CCDC102B: variants seen among roughly 807,000 people sequenced by gnomAD.
CCDC102B encodes the protein coiled-coil domain containing 102B.
Under a neutral mutation model 57.4 loss-of-function variants are expected in CCDC102B, and 75 were observed. That is an observed-to-expected ratio of 1.31 (90% CI 1.08 to 1.58). The LOEUF is 1.58. Ranked by LOEUF, CCDC102B falls within the 40% of genes most tolerant of loss-of-function variation. The pLI, the probability that CCDC102B is intolerant of heterozygous loss-of-function variation, is 0.00. For missense variants in CCDC102B, 636 were observed against 582.6 expected, an observed-to-expected ratio of 1.09 and a Z score of -0.94; for synonymous variants, 206 against 201.9, an observed-to-expected ratio of 1.02 and a Z score of -0.17.
chr18:68,765,593 T>C (rs1259469640), intron 2 of CCDC102B, among the ~76,000 whole-genome samples: 2 of 152,134 alleles, frequency 1.3e-5, no homozygotes, highest in Non-Finnish European at 2.9e-5. Context: ...TCTATCTCCT[T>C]ATAGCCCCTT....
intron 6 of CCDC102B, among the ~76,000 whole-genome samples, chr18:68,987,652 A>G (rs2050758070): frequency 6.6e-6 from 1 of 152,228 alleles, no homozygotes; most frequent in South Asian, 2.1e-4. Context: ...CAAGCTATGC[A>G]TCTGACAAAG....
intron 6 of CCDC102B, among the ~76,000 whole-genome samples, chr18:68,977,513 A>G (rs1396288661): frequency 1.3e-5 from 2 of 151,854 alleles, no homozygotes; most frequent in African/African-American, 4.8e-5. Flanking sequence ...AAGTTTTAAA[A>G]TAATTTAAAA....
chr18:69,039,406 T>C (rs2052374883), intron 7 of CCDC102B, among the ~76,000 whole-genome samples: 2 of 151,964 alleles, frequency 1.3e-5, no homozygotes, highest in Non-Finnish European at 2.9e-5. Context: ...ATTTGGGTCA[T>C]GTGTGCATTG....
chr18:68,767,234 T>C (rs2034498411), intron 2 of CCDC102B, among the ~76,000 whole-genome samples: 1 of 152,224 alleles, frequency 6.6e-6, no homozygotes, highest in African/African-American at 2.4e-5. Flanking sequence ...CTCCCAGACC[T>C]CATATGTGAA....
chr18:68,897,282 A>C lies in CCDC102B; in HGVS notation c.1117A>C (p.Lys373Gln), dbSNP rs140249881. 7.3e-5 allele frequency: 117 copies of C among 1,613,174 alleles called. No individual in the cohort carries two copies. In the East Asian group the frequency reaches 2.5e-3, roughly 35 times the overall value. Residue 373 changes from lysine to glutamine, a missense_variant, in exon 6 of 8, where the codon AAG (lysine) becomes CAG (glutamine). Lys to Gln is a moderately conservative substitution (Grantham distance 53, BLOSUM62 1). Coordinates refer to ENST00000360242, the MANE Select transcript of CCDC102B (RefSeq NM_024781.3). The stretch of plus-strand genomic sequence containing the variant: ...CAAGAGGGAAATACTTGAAAGAGAA[A>C]AGCAGGGACTGGAGAGAGAAAATAG... ...WDKREILERE[K>Q]QGLERENRRL... is the part of the protein sequence containing the mutation.
intron 6 of CCDC102B, among the ~76,000 whole-genome samples, chr18:69,006,204 A>G (rs1158977021): frequency 6.6e-6 from 1 of 152,126 alleles, no homozygotes; most frequent in Non-Finnish European, 1.5e-5. Flanking sequence ...GTTATAAAAG[A>G]TACTGCGATT....
chr18:68,903,420 C>A (rs754339699), intron 6 of CCDC102B, among the ~76,000 whole-genome samples: 2 of 152,146 alleles, frequency 1.3e-5, no homozygotes, highest in Non-Finnish European at 2.9e-5. Flanking sequence ...AGTGAGAGAA[C>A]AAACACTCAA....
At chr18:68,920,377 G>A (rs2145105588) in intron 6 of CCDC102B, among the ~76,000 whole-genome samples, 1 of 152,246 alleles carries the variant, frequency 6.6e-6, no homozygotes. Context: ...CACACCTATG[G>A]CCATCTGATG....
chr18:68,911,751 C>G (rs1308404251), intron 6 of CCDC102B, among the ~76,000 whole-genome samples: 1 of 18,030 alleles, frequency 5.5e-5, no homozygotes, highest in Non-Finnish European at 1.2e-4. Context: ...GACTCCGTCT[C>G]AAAAAAAAAA....
chr18:68,956,475 T>TTATA (rs1568352506), intron 6 of CCDC102B, among the ~76,000 whole-genome samples: 1 of 22,106 alleles, frequency 4.5e-5, no homozygotes, highest in Non-Finnish European at 7.2e-5. Context: ...ATATATATTA[T>TTATA]ATATATATAA....
intron 2 of CCDC102B, among the ~76,000 whole-genome samples, chr18:68,766,240 G>C (rs915645845): frequency 2.0e-5 from 3 of 152,090 alleles, no homozygotes; most frequent in African/African-American, 7.2e-5. Flanking sequence ...TAGAAATAGG[G>C]CTACTTCTGC....
intron 6 of CCDC102B, among the ~76,000 whole-genome samples, chr18:68,982,809 G>C (rs1487004423): frequency 6.6e-6 from 1 of 151,636 alleles, no homozygotes; most frequent in Non-Finnish European, 1.5e-5. Flanking sequence ...CATAGTAGTG[G>C]CCAATAAAAA....
chr18:68,948,077 T>C (rs1373862965), intron 6 of CCDC102B, among the ~76,000 whole-genome samples: 1 of 152,132 alleles, frequency 6.6e-6, no homozygotes, highest in African/African-American at 2.4e-5. Context: ...ATACTCCATT[T>C]GCTAAAAGGT....
At chr18:68,936,861 TAC>T (rs370419147) in intron 6 of CCDC102B, among the ~76,000 whole-genome samples, 6 of 145,230 alleles carry the variant, frequency 4.1e-5, no homozygotes, top group Non-Finnish European at 3.0e-5. Flanking sequence ...TATACACATA[TAC>T]ACACACACAC....
chr18:68,984,905 G>A (rs1041740876), intron 6 of CCDC102B, among the ~76,000 whole-genome samples: 4 of 152,054 alleles, frequency 2.6e-5, no homozygotes, highest in African/African-American at 7.2e-5. Flanking sequence ...TTGATTTATG[G>A]ATGTAAAGAC....
intron 1 of CCDC102B, among the ~76,000 whole-genome samples, chr18:68,835,853 A>T (rs1337574447): frequency 6.6e-6 from 1 of 152,076 alleles, no homozygotes; most frequent in Admixed American, 6.6e-5. Flanking sequence ...ATGTTCTCAT[A>T]TTTTTCTAGA....
intron 6 of CCDC102B, among the ~76,000 whole-genome samples, chr18:69,009,504 T>C (rs1446260636): frequency 3.3e-5 from 5 of 151,338 alleles, no homozygotes; most frequent in Non-Finnish European, 7.3e-5. Context: ...AGATACTGAA[T>C]ATATTTTTTT....
intron 6 of CCDC102B, among the ~76,000 whole-genome samples, chr18:68,936,517 AAC>A (rs1490704786): frequency 6.6e-6 from 1 of 151,954 alleles, no homozygotes; most frequent in African/African-American, 2.4e-5. Flanking sequence ...AGAAATATGC[AAC>A]AGTTTTATTT....
chr18:68,877,777 A>C (rs1796016681), intron 5 of CCDC102B, among the ~76,000 whole-genome samples: 1 of 152,188 alleles, frequency 6.6e-6, no homozygotes, highest in South Asian at 2.1e-4. Context: ...ATATGCCTTA[A>C]ATCAAACAAA....
Sources: gnomAD v4.1 joint callset for allele counts (sites outside exome capture counted in the v4.1 genomes callset) on GRCh38, gnomAD v4.1.1 for gene constraint, MANE v1.5 for transcripts, NCBI Gene and HGNC (gene_info 2026-07-23, HGNC 2026-07-21) for gene names.